The following LRRC3B variants were observed in gnomAD, a reference collection of about 807,000 sequenced individuals.
LRRC3B encodes leucine rich repeat containing 3B.
Under a neutral mutation model 12.8 loss-of-function variants are expected in LRRC3B, and 2 were observed. The ratio of observed to expected loss-of-function variants is 0.16; its 90% CI spans 0.06 to 0.49. LRRC3B has a LOEUF of 0.49. LRRC3B is among the 20% of genes least tolerant of loss of function. The pLI, the probability that LRRC3B is intolerant of heterozygous loss-of-function variation, is 0.96. For missense variants in LRRC3B, 189 were observed against 319.4 expected (o/e 0.59, Z 3.11); for synonymous variants, 132 against 122.0 (o/e 1.08, Z -0.54).
intron 1 of LRRC3B, among the ~76,000 whole-genome samples, chr3:26,677,436 G>T (rs1339169168): frequency 6.6e-6 from 1 of 152,174 alleles, no homozygotes; most frequent in Non-Finnish European, 1.5e-5. Flanking sequence ...GCCTGTGATC[G>T]ACTTGCACTG....
chr3:26,674,470 A>C (rs907129506), intron 1 of LRRC3B, among the ~76,000 whole-genome samples: 2 of 152,144 alleles, frequency 1.3e-5, no homozygotes, highest in Admixed American at 1.3e-4. Context: ...TGTTCTTATA[A>C]AAAGGAAAGA....
chr3:26,645,003 T>C (rs556097883), intron 1 of LRRC3B, among the ~76,000 whole-genome samples: 1 of 152,148 alleles, frequency 6.6e-6, no homozygotes, highest in African/African-American at 2.4e-5. Flanking sequence ...TACATACATA[T>C]ATGCATAGAT....
chr3:26,676,071 G>C (rs191362120), intron 1 of LRRC3B, among the ~76,000 whole-genome samples: 2 of 150,096 alleles, frequency 1.3e-5, no homozygotes, highest in Admixed American at 1.3e-4. Context: ...ATTTGGGCCT[G>C]TTTTTTCTTT....
At chr3:26,640,609 A>G (rs976639598) in intron 1 of LRRC3B, among the ~76,000 whole-genome samples, 1 of 152,146 alleles carries the variant, frequency 6.6e-6, no homozygotes, top group South Asian at 2.1e-4. Flanking sequence ...TGTCAGGGTT[A>G]TTTTTAAAAT....
At chr3:26,670,076 C>T (rs868417633) in intron 1 of LRRC3B, among the ~76,000 whole-genome samples, 1 of 152,176 alleles carries the variant, frequency 6.6e-6, no homozygotes, top group Admixed American at 6.5e-5. Context: ...CAGTTTAGAG[C>T]TCCATGCTAA....
chr3:26,671,354 A>G (rs867638781), intron 1 of LRRC3B, among the ~76,000 whole-genome samples: 718 of 52,428 alleles, frequency 0.014, 34 homozygotes, highest in African/African-American at 0.021. Flanking sequence ...ATGTGTGTAT[A>G]TATATATATA....
rs183819255 is a variant in LRRC3B, at chr3:26,710,513, G to C, written c.*61G>C. On this transcript the variant is annotated 3_prime_UTR_variant, in exon 2 of 2. Coordinates refer to ENST00000396641, the Ensembl canonical transcript of LRRC3B. ...TAGTTTGCGATTGCAGTAGAAATAA[G>C]TGGTTTACTTCTCCCATCCATTGTA... 3,417 of 1,460,946 alleles carry C rather than the reference G, an allele frequency of 2.3e-3. 6 individuals carry two copies. The highest frequency in any genetic ancestry group is 2.9e-3 in the Non-Finnish European group (3,169 of 1,088,206). The allele number at this position is 1,460,946 out of a possible 1,614,324, so 90.5% of individuals were successfully genotyped here.
intron 1 of LRRC3B, among the ~76,000 whole-genome samples, chr3:26,683,168 G>A (rs1253070500): frequency 6.6e-6 from 1 of 152,184 alleles, no homozygotes; most frequent in Non-Finnish European, 1.5e-5. Flanking sequence ...TATGGTGCAT[G>A]TGCATCCCTT....
intron 1 of LRRC3B, among the ~76,000 whole-genome samples, chr3:26,661,806 T>C (rs1354577633): frequency 1.3e-5 from 2 of 152,204 alleles, no homozygotes; most frequent in African/African-American, 4.8e-5. Flanking sequence ...TTTCCATTAA[T>C]TTCCTACACT....
chr3:26,628,289 G>C (rs904853127), intron 1 of LRRC3B, among the ~76,000 whole-genome samples: 2 of 151,682 alleles, frequency 1.3e-5, no homozygotes, highest in African/African-American at 4.8e-5. Context: ...ACAATACATA[G>C]TATGAGTTAA....
rs73059379 is a variant in LRRC3B, at chr3:26,705,282, T to C, written c.-160-4231T>C. On this transcript the variant is annotated intron_variant, in intron 1 of 1. Coordinates refer to ENST00000396641, the Ensembl canonical transcript of LRRC3B. ...GGATGGCAAGAAAATATGAGCGAAA[T>C]ATGAGTCTGGATAAAGTAATTCTCC... Among the ~76,000 whole-genome samples, 724 of 152,034 alleles carry C rather than the reference T, an allele frequency of 4.8e-3. 3 individuals carry two copies. The highest frequency in any genetic ancestry group is 7.0e-3 in the Non-Finnish European group (473 of 67,974).
intron 1 of LRRC3B, among the ~76,000 whole-genome samples, chr3:26,644,609 A>G (rs1371661170): frequency 1.3e-5 from 2 of 152,230 alleles, no homozygotes; most frequent in African/African-American, 4.8e-5. Context: ...AAATAAAGAG[A>G]TATGACAATG....
At chr3:26,701,886 GTAAC>G (rs1197290051) in intron 1 of LRRC3B, among the ~76,000 whole-genome samples, 1 of 152,064 alleles carries the variant, frequency 6.6e-6, no homozygotes, top group Non-Finnish European at 1.5e-5. Flanking sequence ...AAGTTATATG[GTAAC>G]TAACTTTTTA....
chr3:26,637,564 C>G (rs1025598563), intron 1 of LRRC3B, among the ~76,000 whole-genome samples: 3 of 152,194 alleles, frequency 2.0e-5, no homozygotes, highest in African/African-American at 4.8e-5. Flanking sequence ...GGCTAGGAAA[C>G]ACTTGTGGAT....
intron 1 of LRRC3B, among the ~76,000 whole-genome samples, chr3:26,675,948 T>G (rs558313950): frequency 3.1e-4 from 47 of 151,886 alleles, no homozygotes; most frequent in Non-Finnish European, 5.4e-4. Context: ...TTTCATTTTT[T>G]TTATAGTTAT....
At chr3:26,657,159 T>C (rs929545382) in intron 1 of LRRC3B, among the ~76,000 whole-genome samples, 1 of 152,210 alleles carries the variant, frequency 6.6e-6, no homozygotes, top group East Asian at 1.9e-4. Context: ...AAGAGCCTAT[T>C]GCTTAGAGAA....
chr3:26,688,442 G>A (rs2125447194), intron 1 of LRRC3B, among the ~76,000 whole-genome samples: 1 of 152,256 alleles, frequency 6.6e-6, no homozygotes, highest in Admixed American at 6.5e-5. Flanking sequence ...CTGAGACTGG[G>A]TCATTTATAA....
intron 1 of LRRC3B, among the ~76,000 whole-genome samples, chr3:26,687,388 G>A (rs936173551): frequency 1.5e-4 from 23 of 152,064 alleles, no homozygotes; most frequent in African/African-American, 5.6e-4. Context: ...CATTATAATT[G>A]CTCTAAATAT....
At chr3:26,672,268 T>A (rs1415215763) in intron 1 of LRRC3B, among the ~76,000 whole-genome samples, 1 of 152,214 alleles carries the variant, frequency 6.6e-6, no homozygotes, top group Non-Finnish European at 1.5e-5. Flanking sequence ...CAGTACTTTT[T>A]TTACAGGAGA....
Sources: gnomAD v4.1 joint callset for allele counts (sites outside exome capture counted in the v4.1 genomes callset) on GRCh38, gnomAD v4.1.1 for gene constraint, MANE v1.5 for transcripts, NCBI Gene and HGNC (gene_info 2026-07-23, HGNC 2026-07-21) for gene names.